The following CCDC9B variants were observed in gnomAD, a reference collection of about 807,000 sequenced individuals.
The protein encoded by CCDC9B is coiled-coil domain containing 9B, also known as coiled-coil domain-containing protein 9B.
A neutral mutation model predicts 47.2 loss-of-function variants in CCDC9B; 40 were observed. The ratio of observed to expected loss-of-function variants is 0.85; its 90% confidence interval spans 0.66 to 1.10. The LOEUF is 1.10. Among genes scored for constraint, CCDC9B ranks in the 50% least tolerant of loss-of-function variants. The pLI, the probability that CCDC9B is intolerant of heterozygous loss-of-function variation, is 0.00. For missense variants in CCDC9B, 662 were observed against 651.0 expected (o/e 1.02, Z -0.18); for synonymous variants, 238 against 250.7 (o/e 0.95, Z 0.48).
Position 40,334,786 on chromosome 15 carries a change from C to A in CCDC9B, c.*372G>T, listed in dbSNP as rs143588621. On this transcript the variant is annotated 3_prime_UTR_variant, in exon 11 of 11. Coordinates refer to ENST00000397536, the MANE Select transcript of CCDC9B (RefSeq NM_207380.3). ...GGGAGGCCAGGCCCTGGGGGGGTGA[C>A]GGGGAGCCAGGAGAGCCAGGTGCTG... is the stretch of plus-strand genomic sequence containing the variant. The A allele has an allele frequency of 3.0e-3, 510 of 170,310 alleles. 1 individual carries two copies. The highest frequency in any genetic ancestry group is 0.012 in the African/African-American group (490 of 42,282). 10.5% of individuals were successfully genotyped at this position (170,310 alleles called of 1,614,324 possible).
rs768950253 is a variant in CCDC9B, at chr15:40,339,617, C to A, written c.126G>T (p.Glu42Asp). 6.2e-7 allele frequency: 1 copy of A among 1,613,160 alleles called. No homozygotes were observed. The highest frequency in any genetic ancestry group is 1.1e-5 in the South Asian group (1 of 91,072). Residue 42 changes from glutamate to aspartate, a missense_variant and splice_region_variant, in exon 3 of 11, where the codon GAG (glutamate) becomes GAT (aspartate). Glu to Asp is a conservative substitution (Grantham distance 45). Coordinates refer to ENST00000397536, the MANE Select transcript of CCDC9B (RefSeq NM_207380.3). ...KNQALLRRYQ[E>D]IQEDRRQAEQ... ...CTGCCTGCCGACGGTCCTCCTGGATCTCCTGTGGGAGGGCTGGGGGTCAGC... is the reference window on the plus strand; with the variant it reads ...CTGCCTGCCGACGGTCCTCCTGGATATCCTGTGGGAGGGCTGGGGGTCAGC...
At chr15:40,337,160 C>T (rs904044594) in intron 7 of CCDC9B, 3 of 662,182 alleles carry the variant, frequency 4.5e-6, no homozygotes, top group Non-Finnish European at 8.2e-6. Context: ...CACTGAGCCT[C>T]CTTCTGGGGC....
At chr15:40,340,702 C>T in intron 1 of CCDC9B, 106 bp downstream of exon 1, 2 of 1,086,658 alleles carry the variant, frequency 1.8e-6, no homozygotes, top group South Asian at 1.6e-5. Flanking sequence ...AGCCTTCTTC[C>T]TCCCAGCCCC....
chr15:40,337,275 C>T (rs779752463), intron 7 of CCDC9B, 113 bp downstream of exon 7: 36 of 1,012,858 alleles, frequency 3.6e-5, no homozygotes, highest in Admixed American at 1.7e-4. Flanking sequence ...TGTTCTCCAA[C>T]GCTTCCTTTC....
Position 40,339,996 on chromosome 15 carries a change from G to T in CCDC9B, c.32C>A (p.Ser11Tyr), listed in dbSNP as rs746433187. 7 of 1,613,086 alleles carry T rather than the reference G, an allele frequency of 4.3e-6. No homozygotes were observed. The South Asian group carries it at 5.5e-5, about 13-fold the overall frequency. ...GTCCTTCTCCTGCCTGCTCATGGGG[G>T]ACTCGGCTCTGGGAGTTCCCTGCAG... MHSAGTPRAE[S>Y]PMSRQEKDAE... The change falls in exon 2 of 11, where the codon TCC becomes TAC. Residue 11 changes from serine to tyrosine, a missense_variant. Transcript: ENST00000397536.
chr15:40,336,642 T>A lies in CCDC9B; in HGVS notation c.819A>T (p.Arg273Ser). 6.2e-7 allele frequency: 1 copy of A among 1,612,112 alleles called. No individual in the cohort carries two copies. Among genetic ancestry groups the A allele is most frequent in the South Asian group, 1.1e-5 (1 of 91,008 alleles). The change falls in exon 9 of 11, where the codon AGA becomes AGT. Residue 273 changes from arginine to serine, a missense_variant. Arg to Ser is a moderately radical substitution (Grantham distance 110, BLOSUM62 -1). Transcript: ENST00000397536. ...TGCCTGTGGCTGGTGCCACCGAGGG[T>A]CTGCTGGCTTGCCCGCCCCGACCTG... Reference protein sequence around the residue: ...DGKGRGGQASRPSVAPATGSK... With the variant: ...DGKGRGGQASSPSVAPATGSK...
chr15:40,340,205 C>G, intron 1 of CCDC9B, 190 bp from the exon 2 acceptor site: 1 of 594,824 alleles, frequency 1.7e-6, no homozygotes, highest in South Asian at 2.0e-5. Context: ...GCCCGTCTGC[C>G]TGTCCCTGCC....
At chr15:40,338,405 G>C (rs1889013526) in intron 5 of CCDC9B, 130 bp downstream of exon 5, 2 of 1,057,480 alleles carry the variant, frequency 1.9e-6, no homozygotes, top group Non-Finnish European at 2.8e-6. Flanking sequence ...AAGGGAGGAG[G>C]AGCAGGAACT....
intron 1 of CCDC9B, chr15:40,340,510 GA>G: frequency 2.2e-6 from 1 of 451,964 alleles, no homozygotes; most frequent in Non-Finnish European, 3.9e-6. Context: ...CAGCCTGGAG[GA>G]AAGAGCCGCT....
intron 8 of CCDC9B, 47 bp from the exon 9 acceptor site, chr15:40,336,711 G>C: frequency 6.2e-7 from 1 of 1,602,008 alleles, no homozygotes; most frequent in Non-Finnish European, 8.5e-7. Context: ...ATAGCAGCCG[G>C]CTCCATCTTT....
At position 40,338,705 on chromosome 15, in the gene CCDC9B, G is replaced by C. The variant is rs747093007; in HGVS notation, c.387+43C>G. 3 of 1,611,154 alleles carry C rather than the reference G, an allele frequency of 1.9e-6. No homozygotes were observed. The East Asian group carries it at 6.7e-5, about 36-fold the overall frequency. On this transcript the variant is annotated intron_variant, in intron 4 of 10. Transcript: ENST00000397536. ...GCAGTGCAGCAGAGCCAGGGAGGAA[G>C]AGGCTGCCTGCCGATGCCTGCACTC...
intron 3 of CCDC9B, 99 bp from the exon 4 acceptor site, chr15:40,339,002 C>G (rs1229145882): frequency 7.6e-7 from 1 of 1,322,756 alleles, no homozygotes; most frequent in Admixed American, 1.7e-5. Context: ...CCAACCCCAG[C>G]CCTCCCTGCA....
chr15:40,337,209 G>A (rs1888980814), intron 7 of CCDC9B, 179 bp downstream of exon 7: 1 of 734,590 alleles, frequency 1.4e-6, no homozygotes, highest in African/African-American at 1.7e-5. Context: ...TGGGCTCAGA[G>A]GGGAGGATGG....
chr15:40,331,872 C>T lies in CCDC9B; in HGVS notation c.*3286G>A, dbSNP rs1001649533. The T allele has an allele frequency of 6.6e-6, 1 of 152,550 alleles. No homozygotes were observed. The highest frequency in any genetic ancestry group is 6.5e-5 in the Admixed American group (1 of 15,284). 9.4% of individuals were successfully genotyped at this position (152,550 alleles called of 1,614,324 possible). On this transcript the variant is annotated 3_prime_UTR_variant, in exon 11 of 11. Coordinates refer to ENST00000397536, the MANE Select transcript of CCDC9B (RefSeq NM_207380.3). ...GCCTGTCATCAAAACACATGTCTTT[C>T]TTGCAGGCTGGTCTATTGCATTTCC...
chr15:40,340,159 G>A (rs968113133), intron 1 of CCDC9B, 144 bp from the exon 2 acceptor site: 16 of 617,990 alleles, frequency 2.6e-5, no homozygotes, highest in Middle Eastern at 2.5e-4. Flanking sequence ...TTAGGGAGAT[G>A]GCCCAAATAA....
At chr15:40,336,937 A>C in intron 7 of CCDC9B, 124 bp from the exon 8 acceptor site, 1 of 909,518 alleles carries the variant, frequency 1.1e-6, no homozygotes, top group East Asian at 2.5e-5. Context: ...GCCTCCCCAA[A>C]AGCGCCCTCG....
At chr15:40,336,149 C>A (rs895833815) in intron 9 of CCDC9B, 1 of 985,300 alleles carries the variant, frequency 1.0e-6, no homozygotes, top group Admixed American at 6.1e-5. Context: ...GGGATCAGAG[C>A]CAGAATGTGG....
chr15:40,336,470 G>A (rs12911108), intron 9 of CCDC9B, 104 bp downstream of exon 9: 89,874 of 1,477,358 alleles, frequency 0.061, 3,210 homozygotes, highest in Non-Finnish European at 0.071. Context: ...AGTCAGCCAG[G>A]AGGCAGGGGC....
intron 9 of CCDC9B, chr15:40,336,358 A>T: frequency 1.0e-6 from 1 of 985,374 alleles, no homozygotes; most frequent in Non-Finnish European, 1.2e-6. Context: ...TTCCCAGGGG[A>T]AGGGAGCTGC....
Sources: gnomAD v4.1 joint callset for allele counts on GRCh38, gnomAD v4.1.1 for gene constraint, MANE v1.5 for transcripts, NCBI Gene and HGNC (gene_info 2026-07-23, HGNC 2026-07-21) for gene names.